The following SLC38A8 variants were observed in gnomAD, a reference collection of about 807,000 sequenced individuals.
SLC38A8 encodes amino acid transporter SLC38A8.
A neutral mutation model predicts 46.0 loss-of-function variants in SLC38A8; 65 were observed. That is an observed-to-expected ratio of 1.41 (90% CI 1.16 to 1.74). SLC38A8 has a LOEUF of 1.74. Among genes scored for constraint, SLC38A8 ranks in the 40% most tolerant of loss-of-function variants. SLC38A8 has a pLI of 0.00. For missense variants in SLC38A8, 998 were observed against 567.9 expected (o/e 1.76, Z -7.70); for synonymous variants, 447 against 243.7 (o/e 1.83, Z -7.77).
Position 84,027,061 on chromosome 16 carries a change from A to G in SLC38A8, c.690+2433T>C, listed in dbSNP as rs187948194. Among the ~76,000 whole-genome samples, 217 of 152,278 alleles carry G rather than the reference A, an allele frequency of 1.4e-3. 3 individuals carry two copies. Among genetic ancestry groups the G allele is most frequent in the African/African-American group, 5.0e-3 (206 of 41,552 alleles). Reference sequence around the variant, plus strand: ...CTCAATAAAGATATTTTTTAAAACCACAAAAACCAGCCAGGCACAGTGGCT... The same window carrying G: ...CTCAATAAAGATATTTTTTAAAACCGCAAAAACCAGCCAGGCACAGTGGCT... On this transcript the variant is annotated intron_variant, in intron 6 of 10. Coordinates refer to ENST00000299709, the MANE Select transcript of SLC38A8 (RefSeq NM_001080442.3).
chr16:84,027,989 G>A lies in SLC38A8; in HGVS notation c.690+1505C>T, dbSNP rs1369488633. ...GAAATCCACAGAAGTGGCTTGCTGA[G>A]GCCCTGAAGCAGCACGCCGACTGAT... On this transcript the variant is annotated intron_variant, in intron 6 of 10. Coordinates refer to ENST00000299709, the MANE Select transcript of SLC38A8 (RefSeq NM_001080442.3). Among the ~76,000 whole-genome samples the A allele has an allele frequency of 5.3e-5, 8 of 152,058 alleles. 1 individual carries two copies. The highest frequency in any genetic ancestry group is 8.8e-5 in the Non-Finnish European group (6 of 68,034).
upstream of SLC38A8, among the ~76,000 whole-genome samples, chr16:84,043,012 G>T (rs1325374332): frequency 6.6e-6 from 1 of 152,158 alleles, no homozygotes; most frequent in Non-Finnish European, 1.5e-5. Context: ...AAGGTCCCCA[G>T]CCCAACGGAG....
intron 10 of SLC38A8, among the ~76,000 whole-genome samples, chr16:84,011,599 A>G (rs1169419673): frequency 6.6e-6 from 1 of 152,186 alleles, no homozygotes; most frequent in Non-Finnish European, 1.5e-5. Context: ...ATTCATGTCT[A>G]CCTGGAACCT....
At chr16:84,033,863 C>T (rs1422345789) in intron 3 of SLC38A8, among the ~76,000 whole-genome samples, 1 of 152,214 alleles carries the variant, frequency 6.6e-6, no homozygotes, top group Non-Finnish European at 1.5e-5. Flanking sequence ...GTGCCGTCAG[C>T]AACAGGCTGC....
At chr16:84,016,865 G>C in intron 8 of SLC38A8, 138 bp from the exon 9 acceptor site, 2 of 1,115,674 alleles carry the variant, frequency 1.8e-6, no homozygotes, top group Non-Finnish European at 2.5e-6. Flanking sequence ...TATTCCCCAG[G>C]AGACCTTGCC....
At chr16:84,029,672 AT>A in intron 5 of SLC38A8, 121 bp from the exon 6 acceptor site, 1 of 973,276 alleles carries the variant, frequency 1.0e-6, no homozygotes, top group Non-Finnish European at 1.6e-6. Flanking sequence ...TGCAAGATGT[AT>A]TTTTAATGAC....
chr16:84,029,536 G>C lies in SLC38A8; in HGVS notation c.648C>G (p.Thr216=), dbSNP rs765870079. 10 of 1,614,016 alleles carry C rather than the reference G, an allele frequency of 6.2e-6. No individual in the cohort carries two copies. In the African/African-American group the frequency reaches 1.2e-4, roughly 19 times the overall value. The part of the protein sequence containing the change: ...SHPSLSPASW[T]SVFSVFPTIC... ...TGGTGGGGAAGACACTGAACACAGA[G>C]GTCCAGGAGGCAGGGCTGTAAACAG... is the stretch of plus-strand genomic sequence containing the variant. The change falls in exon 6 of 11, where the codon ACC becomes ACG. Residue 216 remains threonine (T), a synonymous_variant. Transcript: ENST00000299709.
chr16:84,022,899 A>G lies in SLC38A8; in HGVS notation c.691-10T>C. ...CGGCAGCTTCGTGACACTGTAAGAC[A>G]GAGGGCGGCTCAGCAGGATGCTGGC... is the stretch of plus-strand genomic sequence containing the variant. On this transcript the variant is annotated splice_polypyrimidine_tract_variant and intron_variant, in intron 6 of 10. Coordinates refer to ENST00000299709, the MANE Select transcript of SLC38A8 (RefSeq NM_001080442.3). The G allele has an allele frequency of 6.3e-7, 1 of 1,575,298 alleles. No individual in the cohort carries two copies. The highest frequency in any genetic ancestry group is 8.6e-7 in the Non-Finnish European group (1 of 1,163,264).
chr16:84,018,192 G>C lies in SLC38A8; in HGVS notation c.806-905C>G, dbSNP rs1245217601. On this transcript the variant is annotated intron_variant, in intron 7 of 10. Transcript: ENST00000299709. ...CAGAGGTGGCATAGGGCATTGTATA[G>C]CAAGGATGAGCTCTGACTCAGCCCT... is the stretch of plus-strand genomic sequence containing the variant. Among the ~76,000 whole-genome samples, 5 of 147,184 alleles carry C rather than the reference G, an allele frequency of 3.4e-5. No individual in the cohort carries two copies. The South Asian group carries it at 6.6e-4, about 19-fold the overall frequency.
chr16:84,026,345 G>A (rs566291805), intron 6 of SLC38A8, among the ~76,000 whole-genome samples: 1 of 152,298 alleles, frequency 6.6e-6, no homozygotes, highest in Non-Finnish European at 1.5e-5. Context: ...TTCTGATTCA[G>A]CCTCCCAAGT....
intron 8 of SLC38A8, 144 bp from the exon 9 acceptor site, chr16:84,016,871 T>A: frequency 9.2e-7 from 1 of 1,082,406 alleles, no homozygotes; most frequent in Non-Finnish European, 1.3e-6. Context: ...CCAGGAGACC[T>A]TGCCAACCCT....
intron 10 of SLC38A8, among the ~76,000 whole-genome samples, chr16:84,012,615 T>C (rs558883010): frequency 6.6e-6 from 1 of 152,326 alleles, no homozygotes; most frequent in African/African-American, 2.4e-5. Context: ...AGCGACCCAC[T>C]GCTGTGATGA....
In SLC38A8 at chr16:84,025,628, A is replaced by T. The variant is rs527663529; in HGVS notation, c.691-2739T>A. On this transcript the variant is annotated intron_variant, in intron 6 of 10. Transcript: ENST00000299709. ...ACCCACCTACCCATCCCGTGAACCC[A>T]CCCAGCAGCCACCAGGCCTCCCTCC... is the stretch of plus-strand genomic sequence containing the variant. 6.6e-5 allele frequency among the ~76,000 whole-genome samples: 10 copies of T among 152,014 alleles called. No individual in the cohort carries two copies. The East Asian group carries it at 1.7e-3, about 27-fold the overall frequency.
intron 7 of SLC38A8, among the ~76,000 whole-genome samples, chr16:84,020,492 G>A (rs2085082480): frequency 1.3e-5 from 2 of 152,198 alleles, no homozygotes; most frequent in East Asian, 1.9e-4. Flanking sequence ...CCAAGCTTCT[G>A]TAGCTCTCGC....
At chr16:84,033,294 G>T (rs747864460) in intron 4 of SLC38A8, 34 bp downstream of exon 4, 1 of 1,613,266 alleles carries the variant, frequency 6.2e-7, no homozygotes, top group Non-Finnish European at 8.5e-7. Flanking sequence ...TCAGCAAGGT[G>T]GGGGCCCCCA....
rs138805126 is a variant in SLC38A8, at chr16:84,036,772, G to A, written c.318C>T (p.Ala106=). 6.2e-7 allele frequency: 1 copy of A among 1,614,244 alleles called. No individual in the cohort carries two copies. The highest frequency in any genetic ancestry group is 8.5e-7 in the Non-Finnish European group (1 of 1,180,046). Residue 106 remains alanine, a synonymous_variant, in exon 3 of 11, where the codon GCC becomes GCT. Transcript: ENST00000299709. ...CGPAIGKLCE[A]CFLLNLLMIS... Reference sequence around the variant, plus strand: ...TCATGAGCAGGTTGAGGAGGAAGCAGGCCTCACACAGCTTCCCAATGGCAG... The same window carrying A: ...TCATGAGCAGGTTGAGGAGGAAGCAAGCCTCACACAGCTTCCCAATGGCAG...
In SLC38A8 at chr16:84,016,874, C is replaced by A; in HGVS notation, c.954-147G>T. 4 of 1,081,886 alleles carry A rather than the reference C, an allele frequency of 3.7e-6. No individual in the cohort carries two copies. The South Asian group carries it at 6.6e-5, about 18-fold the overall frequency. The allele number at this position is 1,081,886 out of a possible 1,614,324, so 67.0% of individuals were successfully genotyped here. A position where few individuals can be genotyped will look rare whatever the true frequency, so the allele number is the denominator to read the frequency against. ...GGTGTTTATTCCCCAGGAGACCTTG[C>A]CAACCCTCAGGGGTTCTGCCACCAT... On this transcript the variant is annotated intron_variant, in intron 8 of 10. Coordinates refer to ENST00000299709, the MANE Select transcript of SLC38A8 (RefSeq NM_001080442.3).
At chr16:84,027,757 G>A (rs551485721) in intron 6 of SLC38A8, among the ~76,000 whole-genome samples, 4 of 152,286 alleles carry the variant, frequency 2.6e-5, no homozygotes, top group East Asian at 1.9e-4. Context: ...CCCAGGCCTC[G>A]TTGCTAGGAG....
At chr16:84,038,540 G>A (rs1421969802) in intron 2 of SLC38A8, among the ~76,000 whole-genome samples, 2 of 152,156 alleles carry the variant, frequency 1.3e-5, no homozygotes, top group East Asian at 1.9e-4. Context: ...TGCCTACCAT[G>A]CATTAGAGCT....
Sources: allele counts gnomAD v4.1 joint callset (sites outside exome capture counted in the v4.1 genomes callset), GRCh38; gene constraint gnomAD v4.1.1; transcripts MANE v1.5; gene names NCBI Gene and HGNC (gene_info 2026-07-23, HGNC 2026-07-21).